The following SETBP1 variants were observed in gnomAD, a reference collection of about 807,000 sequenced individuals.
The protein encoded by SETBP1 is SET-binding protein.
A neutral mutation model predicts 101.0 loss-of-function variants in SETBP1; 9 were observed. The ratio of observed to expected loss-of-function variants is 0.09; its 90% CI spans 0.05 to 0.16. The LOEUF is 0.16. Ranked by LOEUF, SETBP1 falls within the 10% of genes least tolerant of loss-of-function variation. The pLI is 1.00. For missense variants in SETBP1, 1,858 were observed against 2,033.8 expected (o/e 0.91, Z 1.66); for synonymous variants, 818 against 788.5 (o/e 1.04, Z -0.63).
chr18:44,835,993 T>C (rs1364162100), intron 2 of SETBP1, among the ~76,000 whole-genome samples: 1 of 152,238 alleles, frequency 6.6e-6, no homozygotes, highest in African/African-American at 2.4e-5. Context: ...GGAGCCTGCC[T>C]GGCCTTCTGA....
At chr18:44,949,842 C>CT (rs2145091511) in intron 3 of SETBP1, 39 bp from the exon 4 acceptor site, 1 of 1,481,370 alleles carries the variant, frequency 6.8e-7, no homozygotes, top group Non-Finnish European at 9.4e-7. Flanking sequence ...TTGTTTCTCT[C>CT]TCTCTGTCTC....
intron 3 of SETBP1, among the ~76,000 whole-genome samples, chr18:44,900,250 C>A (rs2144825995): frequency 6.6e-6 from 1 of 152,228 alleles, no homozygotes; most frequent in African/African-American, 2.4e-5. Context: ...TGGGGTTGGG[C>A]CCCAGCAATC....
chr18:44,918,455 C>G (rs1158679360), intron 3 of SETBP1, among the ~76,000 whole-genome samples: 2 of 152,172 alleles, frequency 1.3e-5, no homozygotes, highest in African/African-American at 4.8e-5. Flanking sequence ...AGTTAGAAAA[C>G]ATGGAATTTA....
At chr18:44,841,005 A>G (rs1283551064) in intron 2 of SETBP1, among the ~76,000 whole-genome samples, 1 of 152,198 alleles carries the variant, frequency 6.6e-6, no homozygotes, top group Non-Finnish European at 1.5e-5. Flanking sequence ...TAAGTTAATC[A>G]CCCTGTATTA....
At chr18:44,978,536 T>C (rs908662087) in intron 4 of SETBP1, among the ~76,000 whole-genome samples, 4 of 152,230 alleles carry the variant, frequency 2.6e-5, no homozygotes, top group African/African-American at 7.2e-5. Context: ...ATTCTTATGA[T>C]ATCTGCCTCT....
intron 2 of SETBP1, among the ~76,000 whole-genome samples, chr18:44,816,796 T>TA (rs1037751101): frequency 4.6e-5 from 7 of 152,138 alleles, no homozygotes; most frequent in Admixed American, 6.5e-5. Context: ...TTAGGATTTT[T>TA]AAAAAAACAC....
At chr18:44,722,501 A>T (rs1431029744) in intron 2 of SETBP1, among the ~76,000 whole-genome samples, 1 of 152,192 alleles carries the variant, frequency 6.6e-6, no homozygotes, top group African/African-American at 2.4e-5. Flanking sequence ...CTTCTATGTC[A>T]AAGATACTGT....
At chr18:44,857,289 T>C (rs1321023823) in intron 2 of SETBP1, among the ~76,000 whole-genome samples, 1 of 152,210 alleles carries the variant, frequency 6.6e-6, no homozygotes, top group African/African-American at 2.4e-5. Flanking sequence ...TATCTGTTCC[T>C]CAAGTGGACT....
intron 2 of SETBP1, among the ~76,000 whole-genome samples, chr18:44,807,509 C>G (rs1368583737): frequency 6.6e-6 from 1 of 152,078 alleles, no homozygotes; most frequent in Non-Finnish European, 1.5e-5. Context: ...TGAGATGTTT[C>G]TGGCCGAGAG....
At chr18:44,904,530 T>G (rs922176752) in intron 3 of SETBP1, among the ~76,000 whole-genome samples, 2 of 152,194 alleles carry the variant, frequency 1.3e-5, no homozygotes, top group Non-Finnish European at 2.9e-5. Flanking sequence ...AAATGGAAAC[T>G]AATTTTCACA....
rs1407088396 is a variant in SETBP1, at chr18:44,950,457, T to G, written c.1117T>G (p.Ser373Ala). 4.3e-6 allele frequency: 7 copies of G among 1,614,130 alleles called. No individual in the cohort carries two copies. In the East Asian group the frequency reaches 1.6e-4, roughly 36 times the overall value. Residue 373 changes from serine to alanine, a missense_variant, in exon 4 of 6, where the codon TCC becomes GCC. Ser to Ala is a moderately conservative substitution (Grantham distance 99, BLOSUM62 1). Transcript: ENST00000649279. ...DNTEGKREGY[S>A]ADSAQEASPA... ...TACAGAAGGGAAAAGGGAAGGTTAT[T>G]CCGCAGATAGTGCCCAAGAGGCATC...
chr18:44,804,732 A>G (rs1489714225), intron 2 of SETBP1, among the ~76,000 whole-genome samples: 4 of 152,182 alleles, frequency 2.6e-5, no homozygotes, highest in Admixed American at 6.5e-5. Context: ...CTTGAGTATT[A>G]TAAAGGGATT....
chr18:44,808,275 A>G (rs2071790099), intron 2 of SETBP1, among the ~76,000 whole-genome samples: 1 of 152,090 alleles, frequency 6.6e-6, no homozygotes, highest in African/African-American at 2.4e-5. Context: ...ACCCTCCTTC[A>G]CATGTCTTTA....
At chr18:44,842,827 G>T (rs1307900947) in intron 2 of SETBP1, among the ~76,000 whole-genome samples, 2 of 152,204 alleles carry the variant, frequency 1.3e-5, no homozygotes, top group Admixed American at 1.3e-4. Context: ...TTCCATCTGA[G>T]GAACCAACTG....
intron 3 of SETBP1, among the ~76,000 whole-genome samples, chr18:44,938,241 A>G (rs1042403125): frequency 1.2e-4 from 19 of 152,180 alleles, no homozygotes; most frequent in Middle Eastern, 3.4e-3. Context: ...TGGCTCCCCC[A>G]CCAGGAGCGT....
At chr18:44,899,792 A>G (rs1698177664) in intron 3 of SETBP1, among the ~76,000 whole-genome samples, 2 of 152,214 alleles carry the variant, frequency 1.3e-5, no homozygotes, top group South Asian at 4.1e-4. Flanking sequence ...ATTCATTTAT[A>G]TGATTGTGAT....
intron 3 of SETBP1, among the ~76,000 whole-genome samples, chr18:44,899,355 C>G (rs2069983631): frequency 6.6e-6 from 1 of 152,104 alleles, no homozygotes; most frequent in African/African-American, 2.4e-5. Context: ...CATTCCTCCC[C>G]AAAGGAGATC....
rs148814431 is a variant in SETBP1 at position 44,771,464 on chromosome 18, C to G, written c.486+69632C>G. Reference sequence around the variant, plus strand: ...AATGAGAATAGGCAGAGAGCTCATCCAAAAGACCCTGCAAAGGGGCCAGGC... The same window carrying G: ...AATGAGAATAGGCAGAGAGCTCATCGAAAAGACCCTGCAAAGGGGCCAGGC... On this transcript the variant is annotated intron_variant, in intron 2 of 5. Coordinates refer to ENST00000649279, the MANE Select transcript of SETBP1 (RefSeq NM_015559.3). 2.5e-3 allele frequency among the ~76,000 whole-genome samples: 384 copies of G among 151,980 alleles called. 7 individuals carry two copies. Among genetic ancestry groups the G allele is most frequent in the South Asian group, 0.024 (114 of 4,762 alleles).
intron 2 of SETBP1, among the ~76,000 whole-genome samples, chr18:44,825,609 G>A (rs1259954230): frequency 6.6e-6 from 1 of 152,212 alleles, no homozygotes; most frequent in African/African-American, 2.4e-5. Context: ...ATTAGATAAT[G>A]TGGTTTATCA....
Sources: gnomAD v4.1 joint callset for allele counts (sites outside exome capture counted in the v4.1 genomes callset) on GRCh38, gnomAD v4.1.1 for gene constraint, MANE v1.5 for transcripts, NCBI Gene and HGNC (gene_info 2026-07-23, HGNC 2026-07-21) for gene names.